Variants in STEAP1B observed in about 807,000 individuals in gnomAD.
The protein encoded by STEAP1B is STEAP family member 1B.
STEAP1B carries 13 observed loss-of-function variants against 27.9 expected under a neutral mutation model. That is an observed-to-expected ratio of 0.47 (90% CI 0.30 to 0.74). The LOEUF is 0.74. Among genes scored for constraint, STEAP1B ranks in the 30% least tolerant of loss-of-function variants. The pLI, the probability that STEAP1B is intolerant of heterozygous loss-of-function variation, is 0.06. For synonymous variants in STEAP1B, 86 were observed against 107.1 expected (o/e 0.80, Z 1.22); for missense variants, 250 against 298.7 (o/e 0.84, Z 1.20).
intron 4 of STEAP1B, among the ~76,000 whole-genome samples, chr7:22,435,338 A>G (rs538208421): frequency 5.3e-5 from 8 of 152,104 alleles, no homozygotes; most frequent in Non-Finnish European, 1.2e-4. Context: ...AAACAGAAGC[A>G]CCAGGCACAA....
intron 4 of STEAP1B, among the ~76,000 whole-genome samples, chr7:22,444,636 C>G (rs750967526): frequency 6.6e-5 from 10 of 152,202 alleles, no homozygotes; most frequent in Non-Finnish European, 1.3e-4. Context: ...TCAGACAGAA[C>G]AATAGCATGG....
intron 1 of STEAP1B, among the ~76,000 whole-genome samples, chr7:22,495,113 T>C (rs1008897462): frequency 1.7e-4 from 26 of 152,248 alleles, no homozygotes; most frequent in Non-Finnish European, 3.7e-4. Context: ...CACTTATTTG[T>C]TCAATGAATA....
intron 4 of STEAP1B, among the ~76,000 whole-genome samples, chr7:22,452,992 C>G (rs1785515316): frequency 6.6e-6 from 1 of 152,176 alleles, no homozygotes; most frequent in South Asian, 2.1e-4. Context: ...ATTTTGATTT[C>G]TCATATTTCT....
At chr7:22,482,551 T>C (rs1463692300) in intron 4 of STEAP1B, among the ~76,000 whole-genome samples, 3 of 152,176 alleles carry the variant, frequency 2.0e-5, no homozygotes, top group Non-Finnish European at 4.4e-5. Flanking sequence ...CAGTGCACCA[T>C]AGTAGACCCA....
chr7:22,465,839 T>C (rs1785769418), intron 4 of STEAP1B, among the ~76,000 whole-genome samples: 1 of 152,120 alleles, frequency 6.6e-6, no homozygotes, highest in South Asian at 2.1e-4. Context: ...GCATGGCCTG[T>C]CTAGTGGTGG....
chr7:22,429,062 C>T (rs1785145172), intron 4 of STEAP1B, among the ~76,000 whole-genome samples: 1 of 152,128 alleles, frequency 6.6e-6, no homozygotes, highest in African/African-American at 2.4e-5. Context: ...AACAGAAAAC[C>T]TTATACACTG....
chr7:22,451,954 A>G (rs1197161643), intron 4 of STEAP1B, among the ~76,000 whole-genome samples: 2 of 152,198 alleles, frequency 1.3e-5, no homozygotes, highest in African/African-American at 4.8e-5. Flanking sequence ...TAGTTTGAGT[A>G]GGATTGGTAT....
intron 4 of STEAP1B, among the ~76,000 whole-genome samples, chr7:22,460,395 A>C (rs1239878634): frequency 6.6e-6 from 1 of 151,526 alleles, no homozygotes; most frequent in Admixed American, 6.6e-5. Flanking sequence ...ACTGAGGGAG[A>C]GCATTCAAGG....
At chr7:22,428,780 G>C (rs1265395240) in intron 4 of STEAP1B, among the ~76,000 whole-genome samples, 1 of 152,002 alleles carries the variant, frequency 6.6e-6, no homozygotes, top group African/African-American at 2.4e-5. Flanking sequence ...GACAGAGCGA[G>C]AGTCCGTCTC....
intron 4 of STEAP1B, among the ~76,000 whole-genome samples, chr7:22,447,568 A>G (rs1785427602): frequency 6.6e-6 from 1 of 152,230 alleles, no homozygotes; most frequent in Non-Finnish European, 1.5e-5. Context: ...CATCATTTGT[A>G]GGGCAAAGCT....
At chr7:22,470,386 T>G (rs2128410666) in intron 4 of STEAP1B, among the ~76,000 whole-genome samples, 1 of 152,298 alleles carries the variant, frequency 6.6e-6, no homozygotes, top group African/African-American at 2.4e-5. Context: ...TGATATAAAT[T>G]TACATTGATA....
chr7:22,462,871 C>T (rs1785704050), intron 4 of STEAP1B, among the ~76,000 whole-genome samples: 1 of 151,942 alleles, frequency 6.6e-6, no homozygotes, highest in Non-Finnish European at 1.5e-5. Flanking sequence ...GTTCCTATTT[C>T]TCCACATCCT....
intron 4 of STEAP1B, among the ~76,000 whole-genome samples, chr7:22,430,089 T>C (rs1278326846): frequency 1.3e-5 from 2 of 152,238 alleles, no homozygotes; most frequent in Non-Finnish European, 2.9e-5. Flanking sequence ...GTTGTGGATA[T>C]GTGGGCATGC....
intron 4 of STEAP1B, among the ~76,000 whole-genome samples, chr7:22,457,773 C>T (rs1257376692): frequency 6.6e-6 from 1 of 152,208 alleles, no homozygotes; most frequent in Non-Finnish European, 1.5e-5. Context: ...ACTTTGTAAA[C>T]CTGAAGTTCA....
chr7:22,494,717 A>C (rs180973751), intron 2 of STEAP1B, 55 bp downstream of exon 2: 201 of 1,242,074 alleles, frequency 1.6e-4, no homozygotes, highest in Non-Finnish European at 7.1e-5. Context: ...AATGTCATCG[A>C]ATTATGTTTA....
intron 4 of STEAP1B, among the ~76,000 whole-genome samples, chr7:22,421,344 A>G (rs1244628228): frequency 6.6e-6 from 1 of 152,232 alleles, no homozygotes; most frequent in Admixed American, 6.5e-5. Context: ...TATGTGCCAC[A>G]CATTGTGCTG....
chr7:22,474,747 T>G (rs948960397), intron 4 of STEAP1B, among the ~76,000 whole-genome samples: 4 of 152,208 alleles, frequency 2.6e-5, no homozygotes, highest in Admixed American at 2.0e-4. Context: ...GAACTTTGTG[T>G]GACTGGTAGC....
chr7:22,438,529 T>C lies in STEAP1B; in HGVS notation c.763-18693A>G, dbSNP rs1042811541. The stretch of plus-strand genomic sequence containing the variant: ...GATCAGCAATAACTTGTCTTTTTTA[T>C]TGAGATTTTCTAGATGAAGCTGAAA... On this transcript the variant is annotated intron_variant, in intron 4 of 4. Transcript: ENST00000678116. The C allele has an allele frequency of 1.9e-6, 3 of 1,551,604 alleles. No homozygotes were observed. In the African/African-American group the frequency reaches 4.1e-5, roughly 21 times the overall value.
chr7:22,423,474 C>G (rs1785068408), intron 4 of STEAP1B, among the ~76,000 whole-genome samples: 1 of 152,072 alleles, frequency 6.6e-6, no homozygotes, highest in Admixed American at 6.5e-5. Flanking sequence ...ATGTCTAAAC[C>G]TTAAAAATAT....
Sources: gnomAD v4.1 joint callset for allele counts (sites outside exome capture counted in the v4.1 genomes callset) on GRCh38, gnomAD v4.1.1 for gene constraint, MANE v1.5 for transcripts, NCBI Gene and HGNC (gene_info 2026-07-23, HGNC 2026-07-21) for gene names.